The following ZNF681 variants were observed in gnomAD, a reference collection of about 807,000 sequenced individuals.
The protein encoded by ZNF681 is hypothetical protein FLJ31526.
In ZNF681, 37 loss-of-function variants were observed where a neutral mutation model predicts 56.0. The ratio of observed to expected loss-of-function variants is 0.66; its 90% CI spans 0.51 to 0.87. The LOEUF (loss-of-function observed/expected upper bound fraction) is 0.87. Ranked by LOEUF, ZNF681 falls within the 40% of genes least tolerant of loss-of-function variation. The pLI, the probability that ZNF681 is intolerant of heterozygous loss-of-function variation, is 0.00. For synonymous variants in ZNF681, 225 were observed against 248.6 expected, an observed-to-expected ratio of 0.91 and a Z score of 0.89; for missense variants, 741 against 744.9, an observed-to-expected ratio of 0.99 and a Z score of 0.06.
At chr19:23,749,482 C>T (rs927250684) in intron 3 of ZNF681, among the ~76,000 whole-genome samples, 1 of 152,068 alleles carries the variant, frequency 6.6e-6, no homozygotes, top group African/African-American at 2.4e-5. Flanking sequence ...CATTCTATCA[C>T]GTAAGGTGGA....
rs568322294 is a variant in ZNF681, at chr19:23,744,783, C to T, written c.767G>A (p.Arg256His). Residue 256 changes from arginine to histidine, a missense_variant, in exon 4 of 4, where the codon CGT becomes CAT. Coordinates refer to ENST00000402377, the MANE Select transcript of ZNF681 (RefSeq NM_138286.3). Reference protein sequence around the residue: ...IIYTRDKLYKREECSKAFNLS... With the variant: ...IIYTRDKLYKHEECSKAFNLS... The stretch of plus-strand genomic sequence containing the variant: ...GTTAAAGGCTTTGCTACATTCTTCA[C>T]GTTTGTAGAGTTTGTCTCTAGTATA... The T allele has an allele frequency of 4.3e-6, 7 of 1,612,668 alleles. No homozygotes were observed. Among genetic ancestry groups the T allele is most frequent in the Admixed American group, 1.7e-5 (1 of 59,862 alleles).
In ZNF681 at chr19:23,742,868, G is replaced by C. The variant is rs1256177394; in HGVS notation, c.*744C>G. ...ATAGTTTGAATGTAGTTACAACTCTGCAAAAATTTTCTACTTCTTATAATG... is the reference window on the plus strand; with the variant it reads ...ATAGTTTGAATGTAGTTACAACTCTCCAAAAATTTTCTACTTCTTATAATG... On this transcript the variant is annotated 3_prime_UTR_variant, in exon 4 of 4. Coordinates refer to ENST00000402377, the MANE Select transcript of ZNF681 (RefSeq NM_138286.3). 1 of 152,026 alleles carries C rather than the reference G, an allele frequency of 6.6e-6. No individual in the cohort carries two copies. Among genetic ancestry groups the C allele is most frequent in the Non-Finnish European group, 1.5e-5 (1 of 67,994 alleles). 9.4% of individuals were successfully genotyped at this position (152,026 alleles called of 1,614,324 possible). A position where few individuals can be genotyped will look rare whatever the true frequency, so the allele number is the denominator to read the frequency against.
chr19:23,747,962 C>A (rs1175403951), intron 3 of ZNF681, among the ~76,000 whole-genome samples: 1 of 151,908 alleles, frequency 6.6e-6, no homozygotes, highest in Non-Finnish European at 1.5e-5. Context: ...AAACTGGACA[C>A]CAACACTGAT....
At chr19:23,751,510 T>C (rs1308027216) in intron 3 of ZNF681, among the ~76,000 whole-genome samples, 1 of 151,446 alleles carries the variant, frequency 6.6e-6, no homozygotes, top group African/African-American at 2.4e-5. Flanking sequence ...AAAAATTCTA[T>C]TCTCTAGATA....
chr19:23,758,433 T>C (rs1969157853), intron 1 of ZNF681, among the ~76,000 whole-genome samples: 1 of 152,194 alleles, frequency 6.6e-6, no homozygotes, highest in Non-Finnish European at 1.5e-5. Context: ...TTCCCATTCA[T>C]GAACCCGGCA....
chr19:23,753,370 G>A (rs1482768793), intron 3 of ZNF681, among the ~76,000 whole-genome samples: 4 of 152,306 alleles, frequency 2.6e-5, no homozygotes, highest in Admixed American at 1.3e-4. Context: ...GTGCACTCCA[G>A]CCTGGGCAAC....
intron 1 of ZNF681, among the ~76,000 whole-genome samples, chr19:23,758,220 T>A (rs1198115668): frequency 6.6e-6 from 1 of 152,170 alleles, no homozygotes; most frequent in Non-Finnish European, 1.5e-5. Flanking sequence ...GACTGCTTCA[T>A]CTATTTTTCT....
chr19:23,745,276 T>C lies in ZNF681; in HGVS notation c.274A>G (p.Lys92Glu). 6.3e-7 allele frequency: 1 copy of C among 1,599,368 alleles called. No homozygotes were observed. The highest frequency in any genetic ancestry group is 8.5e-7 in the Non-Finnish European group (1 of 1,175,820). ...GGTGTCACTTTTTGGAAAGAATCTT[T>C]TATGTTCTGCTCTGGTGAAAAGTCT... is the stretch of plus-strand genomic sequence containing the variant. Reference protein sequence around the residue: ...AQDFSPEQNIKDSFQKVTPRR... With the variant: ...AQDFSPEQNIEDSFQKVTPRR... The change falls in exon 4 of 4, where the codon AAA becomes GAA. Residue 92 changes from lysine (K) to glutamate (E), a missense_variant. Physicochemically the swap from Lys to Glu is moderately conservative, Grantham distance 56. Coordinates refer to ENST00000402377, the MANE Select transcript of ZNF681 (RefSeq NM_138286.3).
At chr19:23,755,663 G>A (rs1175567218) in intron 1 of ZNF681, 112 bp from the exon 2 acceptor site, 2 of 1,236,582 alleles carry the variant, frequency 1.6e-6, no homozygotes, top group East Asian at 2.9e-5. Flanking sequence ...ATAAGAAAGT[G>A]AAGAGAACTG....
In ZNF681 at chr19:23,745,312, G is replaced by A; in HGVS notation, c.238C>T (p.His80Tyr). 2 of 1,545,288 alleles carry A rather than the reference G, an allele frequency of 1.3e-6. No homozygotes were observed. The highest frequency in any genetic ancestry group is 8.7e-7 in the Non-Finnish European group (1 of 1,151,744). ...TCTGGTGAAAAGTCTTGGGCAAAAT[G>A]AGAACAAATAACTGAAAGAAATAAA... is the stretch of plus-strand genomic sequence containing the variant. The part of the protein sequence containing the change: ...MVAEPPVICS[H>Y]FAQDFSPEQN... Residue 80 changes from histidine (H) to tyrosine (Y), a missense_variant, in exon 4 of 4, where the codon CAT becomes TAT. Transcript: ENST00000402377.
Position 23,743,865 on chromosome 19 carries a change from T to C in ZNF681, c.1685A>G (p.Tyr562Cys), listed in dbSNP as rs1968901084. The change falls in exon 4 of 4, where the codon TAC (tyrosine) becomes TGC (cysteine). Residue 562 changes from tyrosine to cysteine, a missense_variant. Tyr to Cys is a radical substitution (Grantham distance 194, BLOSUM62 -2). Transcript: ENST00000402377. ...HKVIHTGEKP[Y>C]QCEECGKAFN... ...GGCTTTACCACATTCTTCACATTGGTAGGGTTTCTCTCCAGTATGAATTAC... is the reference window on the plus strand; with the variant it reads ...GGCTTTACCACATTCTTCACATTGGCAGGGTTTCTCTCCAGTATGAATTAC... 6.2e-7 allele frequency: 1 copy of C among 1,612,914 alleles called. No homozygotes were observed. The highest frequency in any genetic ancestry group is 8.5e-7 in the Non-Finnish European group (1 of 1,179,708).
intron 3 of ZNF681, among the ~76,000 whole-genome samples, chr19:23,745,679 C>CAATA (rs1968935332): frequency 6.6e-6 from 1 of 151,800 alleles, no homozygotes; most frequent in South Asian, 2.1e-4. Flanking sequence ...TCTCAAATTC[C>CAATA]TGACCTCGTG....
intron 3 of ZNF681, among the ~76,000 whole-genome samples, chr19:23,746,927 C>G (rs7508344): frequency 0.98 from 148,994 of 152,270 alleles, 72,991 homozygotes; most frequent in Middle Eastern, 1. Context: ...AGTTTGAGAC[C>G]AGCCTAGGCA....
rs1409412106 is a variant in ZNF681 at position 23,743,933 on chromosome 19, A to G, written c.1617T>C (p.Cys539=). ...TGEKPYTCEE[C]GKAFNHSSHL... Reference sequence around the variant, plus strand: ...GTGAGGAATGGTTAAAGGCTTTGCCACATTCTTCACATGTGTAGGGTTTCT... The same window carrying G: ...GTGAGGAATGGTTAAAGGCTTTGCCGCATTCTTCACATGTGTAGGGTTTCT... The change falls in exon 4 of 4, where the codon TGT becomes TGC. Residue 539 remains cysteine (C), a synonymous_variant. Transcript: ENST00000402377. 2 of 1,607,186 alleles carry G rather than the reference A, an allele frequency of 1.2e-6. No individual in the cohort carries two copies. Among genetic ancestry groups the G allele is most frequent in the South Asian group, 1.1e-5 (1 of 90,842 alleles).
Position 23,755,581 on chromosome 19 carries a change from A to T in ZNF681, c.4-30T>A, listed in dbSNP as rs544936964. On this transcript the variant is annotated intron_variant, in intron 1 of 3. Coordinates refer to ENST00000402377, the MANE Select transcript of ZNF681 (RefSeq NM_138286.3). ...AAAACACACACACACACACACACAC[A>T]CACACACACACACACACATACACAT... 1.1e-4 allele frequency: 161 copies of T among 1,449,678 alleles called. No homozygotes were observed. The South Asian group carries it at 2.2e-3, about 20-fold the overall frequency. 89.8% of individuals were successfully genotyped at this position (1,449,678 alleles called of 1,614,324 possible). A position where few individuals can be genotyped will look rare whatever the true frequency, so the allele number is the denominator to read the frequency against.
rs1969166548 is a variant in ZNF681, at chr19:23,758,768, C to G, written c.-19G>C. On this transcript the variant is annotated 5_prime_UTR_variant, in exon 1 of 4. Transcript: ENST00000402377. ...TCACCATTTCTAGGTTTCCGGGGGA[C>G]CTGGCGTCTTAGCTATGGATCGCCA... 1.2e-6 allele frequency: 2 copies of G among 1,614,216 alleles called. No homozygotes were observed. Among genetic ancestry groups the G allele is most frequent in the Non-Finnish European group, 8.5e-7 (1 of 1,180,034 alleles).
chr19:23,752,045 G>C (rs11085622), intron 3 of ZNF681, among the ~76,000 whole-genome samples: 148,931 of 152,208 alleles, frequency 0.98, 72,957 homozygotes, highest in Middle Eastern at 1. Context: ...TATGTAGCAA[G>C]ACCCAATCTC....
intron 1 of ZNF681, among the ~76,000 whole-genome samples, chr19:23,757,800 T>C (rs1969145481): frequency 6.6e-6 from 1 of 152,144 alleles, no homozygotes; most frequent in Admixed American, 6.6e-5. Context: ...TATAGAATTC[T>C]GTTCTCTATG....
chr19:23,757,586 T>C (rs1363487446), intron 1 of ZNF681, among the ~76,000 whole-genome samples: 1 of 152,152 alleles, frequency 6.6e-6, no homozygotes, highest in Non-Finnish European at 1.5e-5. Context: ...ATTATAACCA[T>C]AAAATATATA....
Sources: gnomAD v4.1 joint callset for allele counts (sites outside exome capture counted in the v4.1 genomes callset) on GRCh38, gnomAD v4.1.1 for gene constraint, MANE v1.5 for transcripts, NCBI Gene and HGNC (gene_info 2026-07-23, HGNC 2026-07-21) for gene names.